Variants in PRKAR1B observed in about 807,000 individuals in gnomAD.
PRKAR1B encodes the protein protein kinase cAMP-dependent type I regulatory subunit beta.
PRKAR1B carries 22 observed loss-of-function variants against 46.5 expected under a neutral mutation model. The observed-to-expected ratio is 0.47, with a 90% CI of 0.34 to 0.68. PRKAR1B has a LOEUF of 0.68. Among genes scored for constraint, PRKAR1B ranks in the 30% least tolerant of loss-of-function variants. PRKAR1B has a pLI of 0.01. For synonymous variants in PRKAR1B, 259 were observed against 217.7 expected, an observed-to-expected ratio of 1.19 and a Z score of -1.67; for missense variants, 445 against 535.6, an observed-to-expected ratio of 0.83 and a Z score of 1.67.
chr7:708,594 C>T (rs1188072310), intron 2 of PRKAR1B, among the ~76,000 whole-genome samples: 2 of 152,242 alleles, frequency 1.3e-5, no homozygotes, highest in East Asian at 1.9e-4. Flanking sequence ...TCAAACAATT[C>T]TCCCGCCTCA....
At chr7:604,373 G>A (rs1781867787) in intron 6 of PRKAR1B, among the ~76,000 whole-genome samples, 1 of 152,206 alleles carries the variant, frequency 6.6e-6, no homozygotes, top group African/African-American at 2.4e-5. Context: ...TCTGAGGCCG[G>A]GCAGTACCCG....
chr7:618,282 G>A (rs1488617134), intron 4 of PRKAR1B, among the ~76,000 whole-genome samples: 8 of 152,208 alleles, frequency 5.3e-5, no homozygotes, highest in Non-Finnish European at 1.2e-4. Context: ...TGTTTCGTGG[G>A]ACATCCTATT....
intron 4 of PRKAR1B, among the ~76,000 whole-genome samples, chr7:638,794 C>T (rs556852227): frequency 2.6e-5 from 4 of 152,280 alleles, no homozygotes; most frequent in South Asian, 2.1e-4. Context: ...AATTCACATG[C>T]GGCCGGGCGC....
chr7:566,049 C>T (rs1194547776), intron 9 of PRKAR1B, among the ~76,000 whole-genome samples: 1 of 152,132 alleles, frequency 6.6e-6, no homozygotes, highest in East Asian at 1.9e-4. Flanking sequence ...ATGGTCATTA[C>T]CTCAGAGACT....
intron 9 of PRKAR1B, among the ~76,000 whole-genome samples, chr7:577,106 TCGTCCAACGCCATCAGCGGCCC>T (rs1175060789): frequency 1.6e-4 from 24 of 151,576 alleles, no homozygotes; most frequent in African/African-American, 4.6e-4. Context: ...ATCAACGGCC[TCGTCCAACGCCATCAGCGGCCC>T]CGTCCAACTC....
intron 2 of PRKAR1B, among the ~76,000 whole-genome samples, chr7:685,345 TATGTATAC>T (rs1779014121): frequency 1.2e-5 from 1 of 81,734 alleles, no homozygotes; most frequent in East Asian, 3.6e-4. Context: ...TACGTATATA[TATGTATAC>T]ATATATATAT....
rs1173059955 is a variant in PRKAR1B, at chr7:560,009, C to A, written c.892-8539G>T. ...CTGCAGCCCAGGAGTTGGAGACCAG[C>A]CTGGCTAGCAAAGCAGGACCCTGTC... On this transcript the variant is annotated intron_variant, in intron 9 of 10. Coordinates refer to ENST00000537384, the MANE Select transcript of PRKAR1B (RefSeq NM_001164760.2). The surrounding 1 kb of genome is among the most constrained non-coding windows in gnomAD (Gnocchi z 4.2). 2.0e-5 allele frequency among the ~76,000 whole-genome samples: 3 copies of A among 152,114 alleles called. No homozygotes were observed. The highest frequency in any genetic ancestry group is 7.2e-5 in the African/African-American group (3 of 41,402).
chr7:646,281 C>T (rs1319407806), intron 4 of PRKAR1B, among the ~76,000 whole-genome samples: 7 of 152,200 alleles, frequency 4.6e-5, no homozygotes, highest in African/African-American at 1.2e-4. Context: ...TGGATTCAAG[C>T]GATCCTCCCG....
chr7:611,365 G>A (rs1174194670), intron 4 of PRKAR1B, among the ~76,000 whole-genome samples: 1 of 152,228 alleles, frequency 6.6e-6, no homozygotes, highest in Admixed American at 6.5e-5. Flanking sequence ...CTCTCTCTGG[G>A]CAGGCGTCCA....
chr7:700,231 G>A (rs960022051), intron 2 of PRKAR1B, among the ~76,000 whole-genome samples: 1 of 152,164 alleles, frequency 6.6e-6, no homozygotes, highest in African/African-American at 2.4e-5. Context: ...CAGCCCCCAA[G>A]CGACCCACAC....
chr7:717,826 C>T (rs900407090), intron 1 of PRKAR1B, among the ~76,000 whole-genome samples: 10 of 152,148 alleles, frequency 6.6e-5, no homozygotes, highest in African/African-American at 2.2e-4. Context: ...CCACAGGGTC[C>T]CCACCTCCCA....
chr7:691,202 C>CCCGCGCCCACCCAAA (rs1311490552), intron 2 of PRKAR1B, among the ~76,000 whole-genome samples: 80 of 151,306 alleles, frequency 5.3e-4, no homozygotes, highest in East Asian at 1.8e-3. Context: ...CCCAAAGGGT[C>CCCGCGCCCACCCAAA]CTGTGCCCAC....
intron 2 of PRKAR1B, among the ~76,000 whole-genome samples, chr7:702,839 TA>T (rs1469742202): frequency 6.6e-6 from 1 of 151,654 alleles, no homozygotes; most frequent in African/African-American, 2.4e-5. Context: ...AATAAGTAAA[TA>T]AATAAATACA....
intron 9 of PRKAR1B, among the ~76,000 whole-genome samples, chr7:557,809 GT>G (rs1429154986): frequency 6.6e-6 from 1 of 152,054 alleles, no homozygotes; most frequent in Non-Finnish European, 1.5e-5. Context: ...GAGAGTCTGG[GT>G]TTTTTTGGGC....
intron 9 of PRKAR1B, among the ~76,000 whole-genome samples, chr7:570,134 C>T (rs532852630): frequency 6.6e-6 from 1 of 152,338 alleles, no homozygotes; most frequent in Admixed American, 6.5e-5. Flanking sequence ...CCCGGCACCT[C>T]GGCGGATCTC....
chr7:622,973 A>C (rs1043283358), intron 4 of PRKAR1B, among the ~76,000 whole-genome samples: 11 of 152,264 alleles, frequency 7.2e-5, no homozygotes, highest in African/African-American at 2.2e-4. Context: ...ACCTTAGGTC[A>C]ATGTTATTTA....
rs577332029 is a variant in PRKAR1B, at chr7:654,697, C to A, written c.440+22532G>T. On this transcript the variant is annotated intron_variant, in intron 4 of 10. Transcript: ENST00000537384. ...TCACCATCACCATCCTCATCACCTT[C>A]ACCATCACCATCATCACCATCTACA... Among the ~76,000 whole-genome samples the A allele has an allele frequency of 3.3e-4, 13 of 38,822 alleles. No homozygotes were observed. The South Asian group carries it at 5.5e-3, about 16-fold the overall frequency. 25.5% of individuals were successfully genotyped at this position (38,822 alleles called of 152,430 possible).
rs533822710 is a variant in PRKAR1B, at chr7:702,640, G to A, written c.177+8689C>T. The stretch of plus-strand genomic sequence containing the variant: ...AGATCGAGACCATCCTGGCTAACAC[G>A]GTGAAACCCTGTCTCTACTAAAAAT... On this transcript the variant is annotated intron_variant, in intron 2 of 10. Transcript: ENST00000537384. Among the ~76,000 whole-genome samples the A allele has an allele frequency of 3.6e-3, 547 of 152,178 alleles. 1 individual carries two copies. The highest frequency in any genetic ancestry group is 9.4e-3 in the Admixed American group (143 of 15,262).
At chr7:725,170 C>T (rs988783056) in intron 1 of PRKAR1B, among the ~76,000 whole-genome samples, 17 of 150,170 alleles carry the variant, frequency 1.1e-4, no homozygotes, top group African/African-American at 3.2e-4. Context: ...GCGGAGATCG[C>T]GCCACTGCAC....
Sources: allele counts gnomAD v4.1 joint callset (sites outside exome capture counted in the v4.1 genomes callset), GRCh38; gene constraint gnomAD v4.1.1; non-coding constraint Gnocchi (gnomAD v3.1); transcripts MANE v1.5; gene names NCBI Gene and HGNC (gene_info 2026-07-23, HGNC 2026-07-21).